Variants in SNED1 observed in about 807,000 individuals in gnomAD.
SNED1 encodes sushi, nidogen and EGF-like domain-containing protein 1.
SNED1 carries 81 observed loss-of-function variants against 166.7 expected under a neutral mutation model. The observed-to-expected ratio is 0.49, with a 90% CI of 0.41 to 0.58. The LOEUF (loss-of-function observed/expected upper bound fraction) is 0.58. Ranked by LOEUF, SNED1 falls within the 20% of genes least tolerant of loss-of-function variation. SNED1 has a pLI of 0.00. For missense variants in SNED1, 1,604 were observed against 2,000.2 expected, an observed-to-expected ratio of 0.80 and a Z score of 3.78; for synonymous variants, 762 against 822.0, an observed-to-expected ratio of 0.93 and a Z score of 1.25.
At position 241,064,945 on chromosome 2, in the gene SNED1, G is replaced by A. The variant is rs2062376956; in HGVS notation, c.2701G>A (p.Asp901Asn). 2 of 1,585,090 alleles carry A rather than the reference G, an allele frequency of 1.3e-6. No homozygotes were observed. Among genetic ancestry groups the A allele is most frequent in the African/African-American group, 1.4e-5 (1 of 73,592 alleles). Residue 901 changes from aspartate (D) to asparagine (N), a missense_variant, in exon 20 of 32, where the codon GAC becomes AAC. Physicochemically the swap from Asp to Asn is conservative, Grantham distance 23 (BLOSUM62 1). Transcript: ENST00000310397. The surrounding 1 kb of genome is among the most constrained non-coding windows in gnomAD (Gnocchi z 7.0). The stretch of plus-strand genomic sequence containing the variant: ...CTGCAAAGTGGGCTACACGGGCGAG[G>A]ACTGCGCCAAAGGTGGGTGGCGAGG... ...CTCKVGYTGE[D>N]CAKELFPPTA... is the part of the protein sequence containing the mutation.
intron 27 of SNED1, among the ~76,000 whole-genome samples, chr2:241,079,103 G>A: frequency 9.5e-6 from 1 of 105,524 alleles, no homozygotes; most frequent in Non-Finnish European, 1.8e-5. Context: ...GACAGGGTAA[G>A]ACTCCATCTC....
intron 6 of SNED1, 79 bp downstream of exon 6, chr2:241,037,432 C>T: frequency 1.0e-6 from 1 of 991,882 alleles, no homozygotes; most frequent in Non-Finnish European, 1.5e-6. Flanking sequence ...AGGCTGAGGT[C>T]TTGGAAGGTC....
At chr2:241,057,377 C>CAAAAAA (rs1177179331) in intron 16 of SNED1, among the ~76,000 whole-genome samples, 8 of 75,118 alleles carry the variant, frequency 1.1e-4, no homozygotes, top group African/African-American at 5.5e-4. Context: ...AACTCCATCT[C>CAAAAAA]AAAATATATA....
intron 25 of SNED1, 37 bp from the exon 26 acceptor site, chr2:241,071,759 C>T (rs575711257): frequency 4.9e-5 from 73 of 1,475,732 alleles, no homozygotes; most frequent in South Asian, 2.0e-4. Context: ...CCCGAGGCGG[C>T]GCTCGGACTG....
chr2:241,025,868 G>GT (rs1287029936), intron 1 of SNED1, among the ~76,000 whole-genome samples: 2 of 150,806 alleles, frequency 1.3e-5, no homozygotes, highest in East Asian at 1.9e-4. Context: ...ATGGTAACCT[G>GT]TTTTTTTCTT....
intron 24 of SNED1, chr2:241,071,365 CT>C: frequency 1.6e-6 from 1 of 609,034 alleles, no homozygotes; most frequent in South Asian, 1.9e-5. Context: ...CGCATGGCTC[CT>C]CCTCAGAAGG....
At chr2:241,048,286 G>A in intron 8 of SNED1, 29 bp from the exon 9 acceptor site, 1 of 1,569,968 alleles carries the variant, frequency 6.4e-7, no homozygotes, top group Non-Finnish European at 8.6e-7. Flanking sequence ...TCCCTGCGTG[G>A]CCGCTGGTGA....
intron 11 of SNED1, 88 bp downstream of exon 11, chr2:241,049,223 G>C: frequency 1.0e-6 from 1 of 983,008 alleles, no homozygotes; most frequent in Non-Finnish European, 1.6e-6. Context: ...AGAGGCCAGA[G>C]TCCCTACTTC....
chr2:241,011,712 G>T (rs2060410816), intron 1 of SNED1, among the ~76,000 whole-genome samples: 1 of 152,234 alleles, frequency 6.6e-6, no homozygotes, highest in South Asian at 2.1e-4. Context: ...CCCAGTGCTG[G>T]GGAGAGAGGG....
In SNED1 at chr2:241,073,418, C is replaced by A. The variant is rs556861219; in HGVS notation, c.3916+54C>A. 5.9e-5 allele frequency: 84 copies of A among 1,432,128 alleles called. No homozygotes were observed. In the Middle Eastern group the frequency reaches 1.7e-3, roughly 30 times the overall value. The allele number at this position is 1,432,128 out of a possible 1,614,324, so 88.7% of individuals were successfully genotyped here. A position where few individuals can be genotyped will look rare whatever the true frequency, so the allele number is the denominator to read the frequency against. On this transcript the variant is annotated intron_variant, in intron 27 of 31. Transcript: ENST00000310397. This position sits in a 1 kb window ranked among gnomAD's most constrained non-coding sequence, Gnocchi z 6.6. ...GGGACTGACTGACTGCTCTCAGGGG[C>A]CTTAGAGGCTGCAGGCAGGAGGGAC...
chr2:241,033,700 G>A, intron 2 of SNED1, 35 bp from the exon 3 acceptor site: 1 of 1,596,658 alleles, frequency 6.3e-7, no homozygotes, highest in Non-Finnish European at 8.5e-7. Flanking sequence ...GCCAAGGGGA[G>A]TGCAGGGCCC....
chr2:241,059,342 CT>C (rs1352414839), intron 16 of SNED1, among the ~76,000 whole-genome samples: 4 of 152,238 alleles, frequency 2.6e-5, no homozygotes, highest in Non-Finnish European at 5.9e-5. Flanking sequence ...TGTACAACCT[CT>C]TTTAGAAAGA....
intron 21 of SNED1, among the ~76,000 whole-genome samples, chr2:241,066,530 G>A (rs1255416409): frequency 6.6e-6 from 1 of 152,190 alleles, no homozygotes; most frequent in African/African-American, 2.4e-5. Flanking sequence ...CATGCCTGTG[G>A]CCTCCAGACA....
At chr2:241,063,423 A>T in intron 17 of SNED1, 164 bp from the exon 18 acceptor site, 1 of 633,794 alleles carries the variant, frequency 1.6e-6, no homozygotes, top group East Asian at 2.8e-5. Flanking sequence ...CCTCCCGAGG[A>T]GGGGTGGGTT....
intron 16 of SNED1, among the ~76,000 whole-genome samples, chr2:241,058,971 A>T (rs1469365404): frequency 6.6e-6 from 1 of 152,092 alleles, no homozygotes; most frequent in African/African-American, 2.4e-5. Context: ...AATCATTAAC[A>T]TTGATAAACC....
chr2:241,088,450 T>TG (rs746792831), intron 31 of SNED1, 48 bp downstream of exon 31: 7 of 1,522,836 alleles, frequency 4.6e-6, no homozygotes, highest in African/African-American at 2.7e-5. Flanking sequence ...TGCTGGGAAG[T>TG]GGGGGGCGAC....
rs1575035921 is a variant in SNED1 at position 241,065,531 on chromosome 2, A to G, written c.2946A>G (p.Ser982=). ...GGGCCTACAACATCTCCGTCTTCTC[A>G]GTGAAGCGAAACAGTAACAACAAGA... ...AGRAYNISVF[S]VKRNSNNKND... Residue 982 remains serine (S), a synonymous_variant, in exon 21 of 32, where the codon TCA becomes TCG. Transcript: ENST00000310397. 1 of 1,612,894 alleles carries G rather than the reference A, an allele frequency of 6.2e-7. No individual in the cohort carries two copies. The highest frequency in any genetic ancestry group is 2.2e-5 in the East Asian group (1 of 44,866).
At chr2:241,043,687 A>G (rs2061573056) in intron 8 of SNED1, among the ~76,000 whole-genome samples, 1 of 152,254 alleles carries the variant, frequency 6.6e-6, no homozygotes, top group African/African-American at 2.4e-5. Context: ...AGATGACTCC[A>G]ATAACATAAA....
intron 1 of SNED1, among the ~76,000 whole-genome samples, chr2:241,019,166 G>A (rs1476722486): frequency 6.6e-6 from 1 of 151,532 alleles, no homozygotes; most frequent in Non-Finnish European, 1.5e-5. Context: ...CCCATGGTGT[G>A]TGGACCAGGA....
Sources: gnomAD v4.1 joint callset for allele counts (sites outside exome capture counted in the v4.1 genomes callset) on GRCh38, gnomAD v4.1.1 for gene constraint, Gnocchi (gnomAD v3.1) non-coding constraint, MANE v1.5 for transcripts, NCBI Gene and HGNC (gene_info 2026-07-23, HGNC 2026-07-21) for gene names.